C1QTNF3: variants seen among roughly 807,000 people sequenced by gnomAD.
The protein encoded by C1QTNF3 is C1q and TNF related 3.
C1QTNF3 carries 26 observed loss-of-function variants against 32.6 expected under a neutral mutation model. The observed-to-expected ratio is 0.80, with a 90% CI of 0.58 to 1.11. C1QTNF3 has a LOEUF of 1.11. Among genes scored for constraint, C1QTNF3 ranks in the 50% least tolerant of loss-of-function variants. The probability of loss-of-function intolerance (pLI) is 0.00; values close to 1 mark genes in which losing one functional copy is unlikely to be tolerated. For missense variants in C1QTNF3, 362 were observed against 398.2 expected, an observed-to-expected ratio of 0.91 and a Z score of 0.77; for synonymous variants, 155 against 146.0, an observed-to-expected ratio of 1.06 and a Z score of -0.44.
At chr5:34,021,694 C>T (rs981890462) in intron 5 of C1QTNF3, among the ~76,000 whole-genome samples, 33 of 152,168 alleles carry the variant, frequency 2.2e-4, no homozygotes, top group African/African-American at 8.0e-4. Flanking sequence ...TATTCTCACT[C>T]ATAAGTGGGA....
the C1QTNF3 span, among the ~76,000 whole-genome samples, chr5:34,082,088 CATCTG>C: frequency 6.6e-6 from 1 of 151,732 alleles, no homozygotes; most frequent in Non-Finnish European, 1.5e-5. Flanking sequence ...ACAACTCCTC[CATCTG>C]TTTCCACATT....
chr5:34,216,701 AAT>A, the C1QTNF3 span, among the ~76,000 whole-genome samples: 4 of 152,328 alleles, frequency 2.6e-5, no homozygotes, highest in East Asian at 1.9e-4. Context: ...TAAATTTTCC[AAT>A]ATGTTTTGAA....
the C1QTNF3 span, among the ~76,000 whole-genome samples, chr5:34,210,605 G>T: frequency 6.6e-6 from 1 of 151,884 alleles, no homozygotes; most frequent in South Asian, 2.1e-4. Context: ...CAAAAAAAAG[G>T]AGACAGGCCT....
At chr5:34,037,030 C>T (rs921522294) in intron 1 of C1QTNF3, among the ~76,000 whole-genome samples, 2 of 152,140 alleles carry the variant, frequency 1.3e-5, no homozygotes, top group African/African-American at 4.8e-5. Context: ...ACTAAACATG[C>T]TCAAGTATGA....
the C1QTNF3 span, among the ~76,000 whole-genome samples, chr5:34,102,574 A>G: frequency 6.6e-6 from 1 of 152,036 alleles, no homozygotes; most frequent in African/African-American, 2.4e-5. Context: ...GCCAAAATGA[A>G]CTGTAAGAAA....
the C1QTNF3 span, among the ~76,000 whole-genome samples, chr5:34,209,980 T>C: frequency 1.3e-5 from 2 of 152,112 alleles, no homozygotes; most frequent in African/African-American, 2.4e-5. Flanking sequence ...CAATTAGATA[T>C]AAAATCCTGC....
At chr5:34,176,283 T>G in the C1QTNF3 span, among the ~76,000 whole-genome samples, 1 of 148,990 alleles carries the variant, frequency 6.7e-6, no homozygotes, top group African/African-American at 2.5e-5. Flanking sequence ...GGGATAGCAT[T>G]GGGAGATATA....
the C1QTNF3 span, among the ~76,000 whole-genome samples, chr5:34,056,515 GAGAGAGAGAGAGAA>G: frequency 8.2e-4 from 115 of 140,250 alleles, 2 homozygotes; most frequent in African/African-American, 2.7e-3. Context: ...GAGAGAGAGA[GAGAGAGAGAGAGAA>G]AGAGATAGGG....
At chr5:34,163,856 C>A in the C1QTNF3 span, among the ~76,000 whole-genome samples, 1 of 151,992 alleles carries the variant, frequency 6.6e-6, no homozygotes. Flanking sequence ...CTTGCCTATC[C>A]AAACAACAAT....
chr5:34,084,817 TCTGTG>T, the C1QTNF3 span, among the ~76,000 whole-genome samples: 1 of 112,700 alleles, frequency 8.9e-6, no homozygotes. Flanking sequence ...TTGTTTTTTT[TCTGTG>T]CAGAAGCTCT....
At chr5:34,102,845 TG>T in the C1QTNF3 span, among the ~76,000 whole-genome samples, 1 of 148,986 alleles carries the variant, frequency 6.7e-6, no homozygotes, top group Non-Finnish European at 1.5e-5. Flanking sequence ...GGGTGGGGGC[TG>T]GGGGAGGGAT....
the C1QTNF3 span, among the ~76,000 whole-genome samples, chr5:34,075,948 A>C: frequency 0.014 from 2,094 of 151,282 alleles, 28 homozygotes; most frequent in South Asian, 0.042. Flanking sequence ...TTAAAAAGGA[A>C]AAGAATTTTG....
chr5:34,054,066 C>T, the C1QTNF3 span, among the ~76,000 whole-genome samples: 8 of 152,200 alleles, frequency 5.3e-5, no homozygotes, highest in Admixed American at 5.2e-4. Context: ...TTATAATTAG[C>T]AGTGTGACCT....
chr5:34,072,806 T>C, the C1QTNF3 span, among the ~76,000 whole-genome samples: 1 of 152,350 alleles, frequency 6.6e-6, no homozygotes, highest in East Asian at 1.9e-4. Context: ...ATTACGTTTC[T>C]CAACCTGTCT....
the C1QTNF3 span, among the ~76,000 whole-genome samples, chr5:34,103,646 C>T: frequency 2.4e-5 from 3 of 123,978 alleles, no homozygotes; most frequent in Non-Finnish European, 5.0e-5. Flanking sequence ...GGTGAAACCT[C>T]GTCTCTATTA....
chr5:34,067,434 G>A, the C1QTNF3 span, among the ~76,000 whole-genome samples: 2 of 152,198 alleles, frequency 1.3e-5, no homozygotes, highest in East Asian at 3.8e-4. Context: ...TGGACTTACA[G>A]TTCCACATGG....
chr5:34,100,561 T>C, the C1QTNF3 span, among the ~76,000 whole-genome samples: 1 of 150,986 alleles, frequency 6.6e-6, no homozygotes, highest in Admixed American at 6.6e-5. Context: ...TTAATATCAT[T>C]ATTATTATAA....
At chr5:34,202,745 CAATAAT>C in the C1QTNF3 span, among the ~76,000 whole-genome samples, 1 of 151,746 alleles carries the variant, frequency 6.6e-6, no homozygotes, top group African/African-American at 2.4e-5. Context: ...AAAAAGTGAC[CAATAAT>C]AATAAGCTGC....
intron 1 of C1QTNF3, among the ~76,000 whole-genome samples, chr5:34,041,150 AG>A (rs1431561937): frequency 9.8e-5 from 15 of 152,354 alleles, no homozygotes; most frequent in African/African-American, 3.6e-4. Context: ...GAAGAGGGAC[AG>A]GGGAAGTAGG....
Sources: gnomAD v4.1 joint callset for allele counts (sites outside exome capture counted in the v4.1 genomes callset) on GRCh38, gnomAD v4.1.1 for gene constraint, MANE v1.5 for transcripts, NCBI Gene and HGNC (gene_info 2026-07-23, HGNC 2026-07-21) for gene names.